SPMIP4: variants seen among roughly 807,000 people sequenced by gnomAD.
SPMIP4 encodes the protein sperm microtubule inner protein 4, also known as sperm-associated microtubule inner protein 4.
At chr7:25,159,101 T>C in the SPMIP4 span, among the ~76,000 whole-genome samples, 1 of 152,228 alleles carries the variant, frequency 6.6e-6, no homozygotes, top group Non-Finnish European at 1.5e-5. Context: ...AGAGCTCTGG[T>C]TCTTTCTGAC....
chr7:25,158,409 CTCACTTGTTTTCACACTTCTAAGACATAG>C, the SPMIP4 span: 1 of 689,162 alleles, frequency 1.5e-6, no homozygotes, highest in Non-Finnish European at 2.4e-6. Flanking sequence ...CATGGGAAGT[CTCACTTGTTTTCACACTTCTAAGACATAG>C]GAAATGTCAA....
chr7:25,151,824 T>A, the SPMIP4 span: 2 of 500,592 alleles, frequency 4.0e-6, no homozygotes, highest in Admixed American at 3.8e-5. Context: ...TTAGAGAGAT[T>A]CAGCTTGCTC....
chr7:25,133,262 G>C, the SPMIP4 span, among the ~76,000 whole-genome samples: 32 of 152,238 alleles, frequency 2.1e-4, no homozygotes, highest in African/African-American at 7.5e-4. Context: ...GTATATAATG[G>C]ACAAATGAGT....
At chr7:25,145,825 A>G in the SPMIP4 span, among the ~76,000 whole-genome samples, 1 of 152,246 alleles carries the variant, frequency 6.6e-6, no homozygotes, top group African/African-American at 2.4e-5. Flanking sequence ...AACCATGTAC[A>G]AGGTTCTGAG....
chr7:25,155,208 G>A, the SPMIP4 span: 2 of 1,485,880 alleles, frequency 1.3e-6, no homozygotes, highest in Non-Finnish European at 1.8e-6. Flanking sequence ...ATTTATTGAG[G>A]AAACAAAACA....
the SPMIP4 span, among the ~76,000 whole-genome samples, chr7:25,126,895 T>G: frequency 6.6e-6 from 1 of 152,182 alleles, no homozygotes; most frequent in Non-Finnish European, 1.5e-5. Context: ...TCCCTCAGCT[T>G]CTGTTTGCCT....
At chr7:25,148,274 A>G in the SPMIP4 span, among the ~76,000 whole-genome samples, 1 of 152,130 alleles carries the variant, frequency 6.6e-6, no homozygotes, top group Admixed American at 6.5e-5. Context: ...GGTAAATACT[A>G]TAAAAAATAT....
chr7:25,147,955 A>G, the SPMIP4 span, among the ~76,000 whole-genome samples: 1 of 152,118 alleles, frequency 6.6e-6, no homozygotes, highest in African/African-American at 2.4e-5. Context: ...TGTTATACAT[A>G]TTTTCTTATT....
the SPMIP4 span, among the ~76,000 whole-genome samples, chr7:25,154,274 T>A: frequency 2.6e-5 from 4 of 152,196 alleles, no homozygotes. Context: ...AATTCTTGAG[T>A]CTTTTCTACC....
the SPMIP4 span, among the ~76,000 whole-genome samples, chr7:25,161,035 T>C: frequency 0.036 from 5,462 of 152,266 alleles, 163 homozygotes; most frequent in African/African-American, 0.078. Context: ...CTTTTGTTTG[T>C]TTGGTCTTGG....
chr7:25,135,929 G>A, the SPMIP4 span: 1 of 1,533,326 alleles, frequency 6.5e-7, no homozygotes, highest in Admixed American at 2.2e-5. Context: ...ATATTTTTTA[G>A]CTTCTTGCAA....
chr7:25,180,280 G>A, the SPMIP4 span: 1 of 152,432 alleles, frequency 6.6e-6, no homozygotes. Flanking sequence ...CAGCGCTACG[G>A]GACTGGCAAG....
chr7:25,151,537 G>A, the SPMIP4 span: 1 of 1,067,144 alleles, frequency 9.4e-7, no homozygotes, highest in Non-Finnish European at 1.4e-6. Context: ...TTTTTATAAA[G>A]GTATTGACTA....
At chr7:25,169,554 A>C in the SPMIP4 span, among the ~76,000 whole-genome samples, 1 of 151,894 alleles carries the variant, frequency 6.6e-6, no homozygotes, top group African/African-American at 2.4e-5. Context: ...ATGTGTCCAT[A>C]CTCCATTCCA....
chr7:25,177,179 AAG>A, the SPMIP4 span, among the ~76,000 whole-genome samples: 2 of 152,212 alleles, frequency 1.3e-5, no homozygotes, highest in African/African-American at 4.8e-5. Flanking sequence ...TCCTTTTTGG[AAG>A]AGTTTAAACT....
At chr7:25,169,817 C>A in the SPMIP4 span, among the ~76,000 whole-genome samples, 2 of 152,240 alleles carry the variant, frequency 1.3e-5, no homozygotes, top group African/African-American at 4.8e-5. Context: ...CTCAGGTGAT[C>A]CCCCCTACCT....
the SPMIP4 span, among the ~76,000 whole-genome samples, chr7:25,164,661 G>C: frequency 7.0e-6 from 1 of 143,094 alleles, no homozygotes; most frequent in Non-Finnish European, 1.5e-5. Context: ...AGTTTTTGGG[G>C]AACAGGTGGT....
the SPMIP4 span, among the ~76,000 whole-genome samples, chr7:25,151,298 T>C: frequency 2.4e-4 from 37 of 151,852 alleles, no homozygotes; most frequent in Admixed American, 6.6e-4. Flanking sequence ...CTTGGCTCAC[T>C]GCAAACTTCA....
the SPMIP4 span, among the ~76,000 whole-genome samples, chr7:25,128,006 C>A: frequency 6.6e-6 from 1 of 152,188 alleles, no homozygotes; most frequent in Admixed American, 6.5e-5. The surrounding 1 kb of genome is among the most constrained non-coding windows in gnomAD (Gnocchi z 4.5). Context: ...AGGAGAATTA[C>A]CTGGATTACC....
Sources: gnomAD v4.1 joint callset for allele counts (sites outside exome capture counted in the v4.1 genomes callset) on GRCh38, gnomAD v4.1.1 for gene constraint, Gnocchi (gnomAD v3.1) non-coding constraint, MANE v1.5 for transcripts, NCBI Gene and HGNC (gene_info 2026-07-23, HGNC 2026-07-21) for gene names.